Variants in WDR7 observed in about 807,000 individuals in gnomAD.
WDR7 encodes WD repeat-containing protein 7.
A neutral mutation model predicts 169.4 loss-of-function variants in WDR7; 46 were observed. That is an observed-to-expected ratio of 0.27 (90% CI 0.21 to 0.35). The LOEUF is 0.35. Ranked by LOEUF, WDR7 falls within the 10% of genes least tolerant of loss-of-function variation. The pLI is 1.00. For missense variants in WDR7, 1,534 were observed against 1,859.3 expected, an observed-to-expected ratio of 0.83 and a Z score of 3.22; for synonymous variants, 612 against 666.8, an observed-to-expected ratio of 0.92 and a Z score of 1.27.
intron 26 of WDR7, among the ~76,000 whole-genome samples, chr18:57,013,808 C>T (rs935309964): frequency 2.0e-5 from 3 of 152,232 alleles, no homozygotes; most frequent in Non-Finnish European, 2.9e-5. Context: ...GCACATCTCA[C>T]TCTCCTAAAG....
rs774368785 is a variant in WDR7, at chr18:56,696,274, C to T, written c.1390C>T (p.Arg464Trp). Reference protein sequence around the residue: ...WPPHRTLRGHRNKVTCLLYPH... With the variant: ...WPPHRTLRGHWNKVTCLLYPH... ...ACCTCACAGAACACTCCGTGGTCAT[C>T]GGAACAAAGTCACATGTTTGCTATA... The change falls in exon 12 of 28, where the codon CGG becomes TGG. Residue 464 changes from arginine to tryptophan, a missense_variant. Transcript: ENST00000254442. The T allele has an allele frequency of 8.1e-6, 13 of 1,613,916 alleles. No homozygotes were observed. Among genetic ancestry groups the T allele is most frequent in the Admixed American group, 1.7e-5 (1 of 60,000 alleles).
intron 26 of WDR7, among the ~76,000 whole-genome samples, chr18:57,012,504 A>G (rs1271587396): frequency 6.6e-6 from 1 of 152,096 alleles, no homozygotes; most frequent in Non-Finnish European, 1.5e-5. Context: ...GGCCTGGCTG[A>G]CTGTTGCCTG....
intron 20 of WDR7, among the ~76,000 whole-genome samples, chr18:56,827,665 A>G (rs2045232232): frequency 1.3e-5 from 2 of 152,142 alleles, no homozygotes; most frequent in Admixed American, 6.5e-5. Flanking sequence ...ACCATAGTCA[A>G]AATAATTTAG....
chr18:56,672,587 C>T lies in WDR7; in HGVS notation c.72C>T (p.Ala24=), dbSNP rs568078. The change falls in exon 2 of 28, where the codon GCC becomes GCT. Residue 24 remains alanine, a synonymous_variant. Coordinates refer to ENST00000254442, the MANE Select transcript of WDR7 (RefSeq NM_015285.3). ...AAGCGCCCACACATTGCATCTCAGCCGTACTTTTAACAGATGATGGGGCCA... is the reference window on the plus strand; with the variant it reads ...AAGCGCCCACACATTGCATCTCAGCTGTACTTTTAACAGATGATGGGGCCA... ...GRKAPTHCIS[A]VLLTDDGATI... 3 of 1,613,332 alleles carry T rather than the reference C, an allele frequency of 1.9e-6. No individual in the cohort carries two copies. The highest frequency in any genetic ancestry group is 3.3e-5 in the Admixed American group (2 of 59,960).
intron 21 of WDR7, among the ~76,000 whole-genome samples, chr18:56,883,205 G>A (rs865804505): frequency 4.3e-4 from 53 of 123,756 alleles, no homozygotes; most frequent in African/African-American, 1.8e-3. Flanking sequence ...GCGAGACTCC[G>A]TCTCAAAAAA....
intron 1 of WDR7, among the ~76,000 whole-genome samples, chr18:56,660,997 G>T (rs374376966): frequency 8.5e-5 from 13 of 152,284 alleles, no homozygotes; most frequent in African/African-American, 3.1e-4. Flanking sequence ...TTCCTCTCTA[G>T]TTAGTGTGAC....
intron 26 of WDR7, among the ~76,000 whole-genome samples, chr18:56,985,496 G>C (rs1176144179): frequency 1.3e-5 from 2 of 152,016 alleles, no homozygotes; most frequent in Admixed American, 1.3e-4. Flanking sequence ...GATTGTATTT[G>C]ATTAGTATGT....
At chr18:56,895,623 C>T (rs1004336568) in intron 21 of WDR7, among the ~76,000 whole-genome samples, 1 of 151,550 alleles carries the variant, frequency 6.6e-6, no homozygotes, top group Admixed American at 6.6e-5. Flanking sequence ...TTAAGAAATA[C>T]ATTTTCCTGT....
At chr18:56,759,391 ATCTTT>A (rs2043948050) in intron 16 of WDR7, among the ~76,000 whole-genome samples, 1 of 152,084 alleles carries the variant, frequency 6.6e-6, no homozygotes, top group Admixed American at 6.5e-5. Context: ...TATTCTTTTT[ATCTTT>A]TCTTTTTATT....
intron 21 of WDR7, among the ~76,000 whole-genome samples, chr18:56,886,454 G>T (rs1226168418): frequency 1.3e-5 from 2 of 152,102 alleles, no homozygotes; most frequent in South Asian, 2.1e-4. Flanking sequence ...CCTCTACCAA[G>T]CCAGCACTAC....
At chr18:56,719,094 T>A (rs1380670935) in intron 13 of WDR7, among the ~76,000 whole-genome samples, 3 of 152,250 alleles carry the variant, frequency 2.0e-5, no homozygotes, top group Non-Finnish European at 2.9e-5. Flanking sequence ...TGCTTTTGCA[T>A]GTAACCTTTC....
chr18:56,710,228 T>C (rs1366159855), intron 12 of WDR7, among the ~76,000 whole-genome samples: 3 of 151,814 alleles, frequency 2.0e-5, no homozygotes, highest in Non-Finnish European at 4.4e-5. Context: ...TGGTCTTGAT[T>C]TCCTGACCTT....
At chr18:56,688,262 G>A (rs1224317789) in intron 7 of WDR7, among the ~76,000 whole-genome samples, 2 of 152,084 alleles carry the variant, frequency 1.3e-5, no homozygotes, top group Non-Finnish European at 2.9e-5. Flanking sequence ...ACAAGGGGAT[G>A]GGCCATATGG....
chr18:56,764,771 G>A (rs1247103892), intron 16 of WDR7, among the ~76,000 whole-genome samples: 1 of 152,042 alleles, frequency 6.6e-6, no homozygotes, highest in Non-Finnish European at 1.5e-5. Context: ...AGGTCAAGTT[G>A]CCCGTGTTCA....
chr18:56,944,437 C>T (rs143428055), intron 25 of WDR7, among the ~76,000 whole-genome samples: 25 of 152,018 alleles, frequency 1.6e-4, no homozygotes, highest in Non-Finnish European at 3.1e-4. Context: ...ATTAAAGTCC[C>T]GTTTATTAAT....
chr18:56,669,313 G>T (rs950377245), intron 1 of WDR7, among the ~76,000 whole-genome samples: 1 of 152,040 alleles, frequency 6.6e-6, no homozygotes, highest in Non-Finnish European at 1.5e-5. Context: ...ACTTAAAAAT[G>T]ATTCAATATT....
In WDR7 at chr18:57,027,512, G is replaced by GC. The variant is rs1477407707; in HGVS notation, c.*306dup. 2 of 416,368 alleles carry GC rather than the reference G, an allele frequency of 4.8e-6. No homozygotes were observed. The highest frequency in any genetic ancestry group is 8.7e-6 in the Non-Finnish European group (2 of 228,684). 25.8% of individuals were successfully genotyped at this position (416,368 alleles called of 1,614,324 possible). A position where few individuals can be genotyped will look rare whatever the true frequency, so the allele number is the denominator to read the frequency against. On this transcript the variant is annotated 3_prime_UTR_variant, in exon 28 of 28. Coordinates refer to ENST00000254442, the MANE Select transcript of WDR7 (RefSeq NM_015285.3). ...CCTGGGAACGCTCTTGTTGCTTGGT[G>GC]CAACAGAAGCACAAAAATCAATAAA...
intron 22 of WDR7, among the ~76,000 whole-genome samples, chr18:56,925,276 G>A (rs546436235): frequency 1.3e-5 from 2 of 152,294 alleles, no homozygotes; most frequent in African/African-American, 4.8e-5. Context: ...TTTCATTTGA[G>A]TAGACATGTA....
intron 9 of WDR7, among the ~76,000 whole-genome samples, chr18:56,692,054 A>G (rs2025582603): frequency 6.6e-6 from 1 of 152,220 alleles, no homozygotes. Flanking sequence ...ATCTTATGCT[A>G]ATTGCGTATT....
Sources: allele counts gnomAD v4.1 joint callset (sites outside exome capture counted in the v4.1 genomes callset), GRCh38; gene constraint gnomAD v4.1.1; transcripts MANE v1.5; gene names NCBI Gene and HGNC (gene_info 2026-07-23, HGNC 2026-07-21).